Variants in OPCML observed in about 807,000 individuals in gnomAD.
The protein encoded by OPCML is opioid-binding protein/cell adhesion molecule.
Under a neutral mutation model 37.8 loss-of-function variants are expected in OPCML, and 13 were observed. The ratio of observed to expected loss-of-function variants is 0.34; its 90% CI spans 0.22 to 0.55. OPCML has a LOEUF of 0.55. OPCML is among the 20% of genes least tolerant of loss of function. OPCML has a pLI of 0.91. For missense variants in OPCML, 341 were observed against 435.6 expected, an observed-to-expected ratio of 0.78 and a Z score of 1.93; for synonymous variants, 176 against 168.8, an observed-to-expected ratio of 1.04 and a Z score of -0.33.
chr11:133,237,832 C>T (rs1392667845), intron 1 of OPCML, among the ~76,000 whole-genome samples: 3 of 152,160 alleles, frequency 2.0e-5, no homozygotes, highest in African/African-American at 7.2e-5. Context: ...CAGCCAGGTG[C>T]AGAGTTGGAA....
intron 1 of OPCML, chr11:133,118,298 G>T: frequency 1.0e-6 from 1 of 985,400 alleles, no homozygotes; most frequent in Non-Finnish European, 1.2e-6. Flanking sequence ...AGGCCTCTAT[G>T]AAGAAAATTC....
chr11:132,562,945 T>C (rs1393804650), intron 3 of OPCML, among the ~76,000 whole-genome samples: 2 of 152,198 alleles, frequency 1.3e-5, no homozygotes, highest in Non-Finnish European at 2.9e-5. Context: ...TCAGCAAGTG[T>C]AGATAGAGGT....
chr11:132,842,583 T>C (rs1941342856), intron 2 of OPCML, among the ~76,000 whole-genome samples: 1 of 152,114 alleles, frequency 6.6e-6, no homozygotes, highest in African/African-American at 2.4e-5. Context: ...TGGAACTGAG[T>C]GTTGGATAGT....
At chr11:133,425,105 G>A (rs1945975178) in intron 1 of OPCML, among the ~76,000 whole-genome samples, 1 of 152,094 alleles carries the variant, frequency 6.6e-6, no homozygotes, top group Non-Finnish European at 1.5e-5. Context: ...TGTTCAGCTG[G>A]AATCATCCAA....
chr11:133,357,127 C>A (rs753672996), intron 1 of OPCML, among the ~76,000 whole-genome samples: 2 of 152,126 alleles, frequency 1.3e-5, no homozygotes, highest in Non-Finnish European at 2.9e-5. Context: ...AGACTGGAGA[C>A]CCTAAAAAAT....
At chr11:132,442,279 T>C (rs1592180691) in intron 4 of OPCML, among the ~76,000 whole-genome samples, 2 of 152,196 alleles carry the variant, frequency 1.3e-5, no homozygotes, top group African/African-American at 4.8e-5. Context: ...TTATTAGAGC[T>C]GAGAGAAACC....
At chr11:133,450,390 A>T (rs1946557691) in intron 1 of OPCML, among the ~76,000 whole-genome samples, 2 of 151,440 alleles carry the variant, frequency 1.3e-5, no homozygotes, top group Admixed American at 6.6e-5. Flanking sequence ...ACATCGGTAC[A>T]AATCCATTTT....
intron 3 of OPCML, among the ~76,000 whole-genome samples, chr11:132,610,198 C>A (rs899643533): frequency 6.6e-6 from 1 of 152,174 alleles, no homozygotes. Flanking sequence ...ACACCTATGC[C>A]TGCATCTCCA....
chr11:132,731,498 A>T, intron 2 of OPCML, among the ~76,000 whole-genome samples: 1 of 152,230 alleles, frequency 6.6e-6, no homozygotes. Context: ...TATGATCAAA[A>T]GTTGAGTTAT....
At chr11:133,507,865 T>C (rs1159131242) in intron 1 of OPCML, among the ~76,000 whole-genome samples, 1 of 151,706 alleles carries the variant, frequency 6.6e-6, no homozygotes, top group African/African-American at 2.4e-5. Context: ...AAGAATCACT[T>C]TAACCCGGGA....
At chr11:133,463,905 A>G (rs929621564) in intron 1 of OPCML, among the ~76,000 whole-genome samples, 2 of 152,196 alleles carry the variant, frequency 1.3e-5, no homozygotes, top group Non-Finnish European at 2.9e-5. Context: ...ATGGTTGGCA[A>G]TTGACCCGGG....
At chr11:132,806,541 T>C (rs897652652) in intron 2 of OPCML, among the ~76,000 whole-genome samples, 6 of 152,024 alleles carry the variant, frequency 3.9e-5, no homozygotes, top group African/African-American at 1.4e-4. Context: ...AAAGAGCAAA[T>C]TACCCACAAG....
At chr11:133,210,664 G>C (rs142608856) in intron 1 of OPCML, among the ~76,000 whole-genome samples, 2 of 152,104 alleles carry the variant, frequency 1.3e-5, no homozygotes, top group African/African-American at 2.4e-5. Flanking sequence ...GGAGCTAAAG[G>C]TTCCAACATA....
intron 2 of OPCML, among the ~76,000 whole-genome samples, chr11:132,765,018 C>T (rs529904285): frequency 4.6e-5 from 7 of 152,320 alleles, no homozygotes; most frequent in Non-Finnish European, 8.8e-5. Flanking sequence ...GGGTAAGACA[C>T]ATTCCTCCCC....
At chr11:133,275,817 T>A (rs1249141678) in intron 1 of OPCML, among the ~76,000 whole-genome samples, 2 of 152,188 alleles carry the variant, frequency 1.3e-5, no homozygotes, top group African/African-American at 4.8e-5. Flanking sequence ...GAGTAATTGT[T>A]GGAGCTGCTA....
At chr11:132,924,133 G>C (rs957471629) in intron 2 of OPCML, among the ~76,000 whole-genome samples, 1 of 151,278 alleles carries the variant, frequency 6.6e-6, no homozygotes, top group Non-Finnish European at 1.5e-5. Context: ...AACTATGTGT[G>C]TGTGTGTGTG....
intron 4 of OPCML, among the ~76,000 whole-genome samples, chr11:132,455,578 ATCT>A (rs747585843): frequency 3.9e-5 from 6 of 152,174 alleles, no homozygotes; most frequent in Non-Finnish European, 7.3e-5. Flanking sequence ...ACATTTGTTC[ATCT>A]TCTGTAATAT....
chr11:132,744,904 G>A (rs191906495), intron 2 of OPCML, among the ~76,000 whole-genome samples: 268 of 152,170 alleles, frequency 1.8e-3, no homozygotes, highest in African/African-American at 5.4e-3. Flanking sequence ...GGAAGTGAAC[G>A]AGCTCCTAAA....
chr11:132,813,922 C>T (rs530214402), intron 2 of OPCML, among the ~76,000 whole-genome samples: 15 of 152,292 alleles, frequency 9.8e-5, no homozygotes, highest in African/African-American at 3.1e-4. Flanking sequence ...GATAGGTGTG[C>T]GTTTTACATG....
Sources: allele counts gnomAD v4.1 joint callset (sites outside exome capture counted in the v4.1 genomes callset), GRCh38; gene constraint gnomAD v4.1.1; transcripts MANE v1.5; gene names NCBI Gene and HGNC (gene_info 2026-07-23, HGNC 2026-07-21).